P3H1: variants seen among roughly 807,000 people sequenced by gnomAD.
P3H1 encodes growth suppressor 1.
A neutral mutation model predicts 84.0 loss-of-function variants in P3H1; 69 were observed. The observed-to-expected ratio is 0.82, with a 90% CI of 0.68 to 1.00. The LOEUF (loss-of-function observed/expected upper bound fraction) is 1.00. Among genes scored for constraint, P3H1 ranks in the 50% least tolerant of loss-of-function variants. The pLI, the probability that P3H1 is intolerant of heterozygous loss-of-function variation, is 0.00. For synonymous variants in P3H1, 366 were observed against 388.8 expected, an observed-to-expected ratio of 0.94 and a Z score of 0.69; for missense variants, 878 against 962.8, an observed-to-expected ratio of 0.91 and a Z score of 1.17.
intron 2 of P3H1, chr1:42,761,949 T>A: frequency 4.5e-6 from 1 of 223,528 alleles, no homozygotes; most frequent in Non-Finnish European, 9.0e-6. Flanking sequence ...GATGAAAAAA[T>A]TATATACGGA....
At chr1:42,758,050 G>T in intron 4 of P3H1, 128 bp from the exon 5 acceptor site, 2 of 846,622 alleles carry the variant, frequency 2.4e-6, no homozygotes, top group Non-Finnish European at 4.1e-6. Flanking sequence ...ACAAGCTGGT[G>T]CCTGCTACTT....
At chr1:42,757,357 A>C (rs1652455135) in intron 5 of P3H1, among the ~76,000 whole-genome samples, 1 of 152,180 alleles carries the variant, frequency 6.6e-6, no homozygotes, top group Non-Finnish European at 1.5e-5. Flanking sequence ...GATGGGAGAG[A>C]ACAAACAATG....
At chr1:42,749,702 C>T (rs1403419873) in intron 11 of P3H1, among the ~76,000 whole-genome samples, 1 of 152,210 alleles carries the variant, frequency 6.6e-6, no homozygotes, top group African/African-American at 2.4e-5. Context: ...CGGAGTACTC[C>T]GTAATCGTAT....
intron 1 of P3H1, among the ~76,000 whole-genome samples, chr1:42,766,051 C>T (rs1280195936): frequency 1.3e-5 from 2 of 151,004 alleles, no homozygotes; most frequent in Non-Finnish European, 3.0e-5. Context: ...CCAGGCAGCC[C>T]CTGCTGGCGA....
Position 42,754,846 on chromosome 1 carries a change from T to C in P3H1, c.1345+23A>G. 1.2e-6 allele frequency: 2 copies of C among 1,614,106 alleles called. No homozygotes were observed. Among genetic ancestry groups the C allele is most frequent in the Non-Finnish European group, 1.7e-6 (2 of 1,179,984 alleles). On this transcript the variant is annotated intron_variant, in intron 8 of 14. Transcript: ENST00000296388. This position sits in a 1 kb window ranked among gnomAD's most constrained non-coding sequence, Gnocchi z 4.0. ...CTGGCTCCCTGACAACAGCCAGACA[T>C]GCCCCTATTTCTGTCCTCTCACCTT... is the stretch of plus-strand genomic sequence containing the variant.
At chr1:42,753,863 T>C (rs974465819) in intron 8 of P3H1, among the ~76,000 whole-genome samples, 10 of 150,486 alleles carry the variant, frequency 6.6e-5, no homozygotes, top group Non-Finnish European at 1.3e-4. Flanking sequence ...GATGTGGAGG[T>C]TGCAGTGAGC....
chr1:42,763,672 CAAAAAAAAAAA>C (rs766034061), intron 1 of P3H1, among the ~76,000 whole-genome samples: 32 of 41,526 alleles, frequency 7.7e-4, no homozygotes, highest in African/African-American at 2.6e-3. Flanking sequence ...ACTCTTGTCT[CAAAAAAAAAAA>C]AAAAAAAAAA....
Position 42,754,237 on chromosome 1 carries a change from G to A in P3H1, c.1345+632C>T, listed in dbSNP as rs775489844. Among the ~76,000 whole-genome samples the A allele has an allele frequency of 6.6e-6, 1 of 152,170 alleles. No individual in the cohort carries two copies. The highest frequency in any genetic ancestry group is 2.1e-4 in the South Asian group (1 of 4,834). On this transcript the variant is annotated intron_variant, in intron 8 of 14. Coordinates refer to ENST00000296388, the MANE Select transcript of P3H1 (RefSeq NM_022356.4). This position sits in a 1 kb window ranked among gnomAD's most constrained non-coding sequence, Gnocchi z 4.0. ...GTGGGTGCAGATAGGAGGTGCCAGG[G>A]CCTGAAGGAAGCCTGAGGCAATGAA...
chr1:42,756,251 C>G, intron 5 of P3H1: 1 of 158,938 alleles, frequency 6.3e-6, no homozygotes, highest in Admixed American at 6.0e-5. Context: ...AAAGCCGGGT[C>G]TTTACAGTCC....
chr1:42,749,644 C>T (rs1271305279), intron 11 of P3H1, among the ~76,000 whole-genome samples: 1 of 152,342 alleles, frequency 6.6e-6, no homozygotes, highest in East Asian at 1.9e-4. Context: ...CCCCTGACTA[C>T]CAGGCTGCAC....
chr1:42,755,120 C>T (rs753245071), intron 7 of P3H1, 45 bp downstream of exon 7: 41 of 1,612,842 alleles, frequency 2.5e-5, no homozygotes, highest in Non-Finnish European at 3.3e-5. Context: ...GCCTCAAGTG[C>T]TTCATCAGAC....
intron 8 of P3H1, among the ~76,000 whole-genome samples, chr1:42,753,420 A>G (rs1652218638): frequency 6.6e-6 from 1 of 152,192 alleles, no homozygotes; most frequent in Non-Finnish European, 1.5e-5. Flanking sequence ...TGTGCTAGGG[A>G]CATACTAATA....
chr1:42,752,366 C>G lies in P3H1; in HGVS notation c.1477G>C (p.Ala493Pro), dbSNP rs201977455. ...CGGTAGCCATCTCCTGAGGTTGCTG[C>G]CACCTACAAGGCCCAAAACACAAGG... The part of the protein sequence containing the change: ...CQELQRLTNV[A>P]ATSGDGYRGQ... The change falls in exon 10 of 15, where the codon GCA (alanine) becomes CCA (proline). Residue 493 changes from alanine to proline, a missense_variant. Physicochemically the swap from Ala to Pro is conservative, Grantham distance 27 (BLOSUM62 -1). Transcript: ENST00000296388. The G allele has an allele frequency of 1.1e-5, 18 of 1,613,972 alleles. No homozygotes were observed. The Admixed American group carries it at 1.8e-4, about 16-fold the overall frequency.
At position 42,750,307 on chromosome 1, in the gene P3H1, C is replaced by A; in HGVS notation, c.1599G>T (p.Gln533His). 6.2e-7 allele frequency: 1 copy of A among 1,614,092 alleles called. No homozygotes were observed. Among genetic ancestry groups the A allele is most frequent in the Non-Finnish European group, 8.5e-7 (1 of 1,180,022 alleles). The change falls in exon 11 of 15, where the codon CAG becomes CAT. Residue 533 changes from glutamine (Q) to histidine (H), a missense_variant. Gln to His is a conservative substitution (Grantham distance 24, BLOSUM62 0). Coordinates refer to ENST00000296388, the MANE Select transcript of P3H1 (RefSeq NM_022356.4). ...TCACGTTGTAGTACAGGTGGGCACT[C>A]TGCAGAGGAACTTTGCCTTCTTGCC... ...KLGQEGKVPL[Q>H]SAHLYYNVTE...
chr1:42,757,869 GGAA>G lies in P3H1; in HGVS notation c.991_993del (p.Phe331del). The G allele has an allele frequency of 1.2e-6, 2 of 1,614,172 alleles. No homozygotes were observed. Among genetic ancestry groups the G allele is most frequent in the Non-Finnish European group, 1.7e-6 (2 of 1,180,000 alleles). On this transcript the variant is annotated inframe_deletion, in exon 5 of 15. Transcript: ENST00000296388. ...TTTTGGTTCATCACCTCGTCATTGGGGAAGAAGAGAAGATAGGTCTTGGCACAT... is the reference window on the plus strand; with the variant it reads ...TTTTGGTTCATCACCTCGTCATTGGGGAAGAGAAGATAGGTCTTGGCACAT...
rs764436669 is a variant in P3H1, at chr1:42,759,421, G to T, written c.619-31C>A. On this transcript the variant is annotated intron_variant, in intron 2 of 14. Coordinates refer to ENST00000296388, the MANE Select transcript of P3H1 (RefSeq NM_022356.4). ...GGGAAGAAGGAGCACTCAAATGCAG[G>T]CCACAGAGGAGGAACCCTCTCTCCT... 3.9e-5 allele frequency: 62 copies of T among 1,603,104 alleles called. 1 individual carries two copies. The South Asian group carries it at 6.5e-4, about 17-fold the overall frequency.
In P3H1 at chr1:42,754,726, A is replaced by G; in HGVS notation, c.1345+143T>C. 1 of 985,112 alleles carries G rather than the reference A, an allele frequency of 1.0e-6. No individual in the cohort carries two copies. The highest frequency in any genetic ancestry group is 2.6e-5 in the East Asian group (1 of 38,652). 61.0% of individuals were successfully genotyped at this position (985,112 alleles called of 1,614,324 possible). On this transcript the variant is annotated intron_variant, in intron 8 of 14. Transcript: ENST00000296388. This position sits in a 1 kb window ranked among gnomAD's most constrained non-coding sequence, Gnocchi z 4.0. Reference sequence around the variant, plus strand: ...AAGTCCCGCTGGTGAGTTAGGAAGGATGTCCACTGAACTTGCACCCTAAGG... The same window carrying G: ...AAGTCCCGCTGGTGAGTTAGGAAGGGTGTCCACTGAACTTGCACCCTAAGG...
chr1:42,753,740 G>A (rs1208062824), intron 8 of P3H1, among the ~76,000 whole-genome samples: 1 of 152,098 alleles, frequency 6.6e-6, no homozygotes, highest in Admixed American at 6.5e-5. Flanking sequence ...GGCCAACATG[G>A]TGAAACCCTA....
At chr1:42,764,782 C>T (rs2124166840) in intron 1 of P3H1, among the ~76,000 whole-genome samples, 2 of 152,232 alleles carry the variant, frequency 1.3e-5, no homozygotes, top group East Asian at 3.9e-4. Flanking sequence ...AAATAACTCC[C>T]CATCTCTGTA....
Sources: gnomAD v4.1 joint callset for allele counts (sites outside exome capture counted in the v4.1 genomes callset) on GRCh38, gnomAD v4.1.1 for gene constraint, Gnocchi (gnomAD v3.1) non-coding constraint, MANE v1.5 for transcripts, NCBI Gene and HGNC (gene_info 2026-07-23, HGNC 2026-07-21) for gene names.